The following GPR176 variants were observed in gnomAD, a reference collection of about 807,000 sequenced individuals.
GPR176 encodes G-protein coupled receptor 176.
Under a neutral mutation model 35.4 loss-of-function variants are expected in GPR176, and 26 were observed. That is an observed-to-expected ratio of 0.74 (90% CI 0.54 to 1.02). The LOEUF (loss-of-function observed/expected upper bound fraction) is 1.02, where lower values mean the gene tolerates loss of function less well. GPR176 is among the 50% of genes least tolerant of loss of function. The pLI is 0.00. For synonymous variants in GPR176, 278 were observed against 271.3 expected, an observed-to-expected ratio of 1.02 and a Z score of -0.24; for missense variants, 597 against 665.3, an observed-to-expected ratio of 0.90 and a Z score of 1.13.
intron 1 of GPR176, among the ~76,000 whole-genome samples, chr15:39,885,045 TC>T (rs1469062515): frequency 6.6e-6 from 1 of 152,202 alleles, no homozygotes; most frequent in Non-Finnish European, 1.5e-5. Context: ...TCTACTAACT[TC>T]AGTTTTTTTC....
rs149014870 is a variant in GPR176 at position 39,851,989 on chromosome 15, T to C, written c.173-44731A>G. 3.9e-4 allele frequency among the ~76,000 whole-genome samples: 60 copies of C among 152,204 alleles called. 1 individual carries two copies. In the East Asian group the frequency reaches 5.0e-3, roughly 13 times the overall value. On this transcript the variant is annotated intron_variant, in intron 1 of 2. Transcript: ENST00000561100. ...CTTTTGGTATTGTGCCCCAGGAGTA[T>C]CATAAAGACATGTAATCAGATTCAG... is the stretch of plus-strand genomic sequence containing the variant.
intron 1 of GPR176, among the ~76,000 whole-genome samples, chr15:39,904,173 C>T (rs748550647): frequency 6.6e-6 from 1 of 152,064 alleles, no homozygotes; most frequent in Non-Finnish European, 1.5e-5. Context: ...TTTACTGCAA[C>T]CTGTTTTATC....
rs142600412 is a variant in GPR176 at position 39,801,584 on chromosome 15, C to T, written c.1096G>A (p.Gly366Ser). 5.0e-6 allele frequency: 8 copies of T among 1,614,072 alleles called. 1 individual carries two copies. The African/African-American group carries it at 9.3e-5, about 19-fold the overall frequency. ...EASLEPSIRS[G>S]SQLLEMFHIG... The stretch of plus-strand genomic sequence containing the variant: ...TGGAACATCTCCAGGAGCTGGCTAC[C>T]CGAGCGTATGCTGGGTTCCAGGCTG... Residue 366 changes from glycine (G) to serine (S), a missense_variant, in exon 3 of 3, where the codon GGT (glycine) becomes AGT (serine). Gly to Ser is a moderately conservative substitution (Grantham distance 56, BLOSUM62 0). Around this residue, in one of 3 missense-constraint regions of GPR176, gnomAD observed 251 missense variants for 255.4 expected, o/e 0.98. Transcript: ENST00000561100.
At chr15:39,913,756 C>G (rs2033643123) in intron 1 of GPR176, among the ~76,000 whole-genome samples, 1 of 152,038 alleles carries the variant, frequency 6.6e-6, no homozygotes, top group African/African-American at 2.4e-5. Flanking sequence ...GCTAAAAAAC[C>G]ATCGAGTTGG....
At chr15:39,888,507 T>C (rs1189678705) in intron 1 of GPR176, among the ~76,000 whole-genome samples, 1 of 152,200 alleles carries the variant, frequency 6.6e-6, no homozygotes, top group Non-Finnish European at 1.5e-5. Flanking sequence ...TAACTCACCA[T>C]AACCTCAAAC....
At chr15:39,825,690 T>TATATA (rs1900592935) in intron 1 of GPR176, among the ~76,000 whole-genome samples, 1 of 152,116 alleles carries the variant, frequency 6.6e-6, no homozygotes, top group Non-Finnish European at 1.5e-5. Flanking sequence ...TTTATATCTG[T>TATATA]GATATTGATT....
intron 1 of GPR176, among the ~76,000 whole-genome samples, chr15:39,810,243 C>T (rs190061563): frequency 9.0e-4 from 137 of 151,904 alleles, no homozygotes; most frequent in African/African-American, 3.1e-3. Flanking sequence ...CACATGTGGC[C>T]CTGAACTTAA....
At chr15:39,887,768 A>G (rs1185052680) in intron 1 of GPR176, among the ~76,000 whole-genome samples, 2 of 152,212 alleles carry the variant, frequency 1.3e-5, no homozygotes, top group Non-Finnish European at 2.9e-5. Flanking sequence ...AAAGTTCTTT[A>G]CTGAGAATCC....
intron 1 of GPR176, among the ~76,000 whole-genome samples, chr15:39,884,700 G>A (rs1432350885): frequency 6.6e-6 from 1 of 152,148 alleles, no homozygotes; most frequent in African/African-American, 2.4e-5. Context: ...CCAGGCAGAA[G>A]GGGGAAAGGG....
At chr15:39,830,936 G>C (rs1595460060) in intron 1 of GPR176, among the ~76,000 whole-genome samples, 2 of 152,172 alleles carry the variant, frequency 1.3e-5, no homozygotes, top group African/African-American at 4.8e-5. Context: ...GTCAATGTCA[G>C]TATAAGCAAA....
At chr15:39,853,922 T>C (rs1365653280) in intron 1 of GPR176, among the ~76,000 whole-genome samples, 1 of 152,156 alleles carries the variant, frequency 6.6e-6, no homozygotes, top group Non-Finnish European at 1.5e-5. Context: ...CTTACAATTA[T>C]CATCATCATA....
chr15:39,897,078 C>T (rs1318614294), intron 1 of GPR176, among the ~76,000 whole-genome samples: 2 of 152,116 alleles, frequency 1.3e-5, no homozygotes, highest in African/African-American at 2.4e-5. Flanking sequence ...AGAGTCATTA[C>T]CCAAAGACAG....
At chr15:39,877,367 ACCCCAAATTC>A (rs2032290038) in intron 1 of GPR176, among the ~76,000 whole-genome samples, 1 of 152,088 alleles carries the variant, frequency 6.6e-6, no homozygotes, top group Non-Finnish European at 1.5e-5. Context: ...AGTCATATTC[ACCCCAAATTC>A]CCCCAAATCC....
At chr15:39,812,861 A>G (rs1271529888) in intron 1 of GPR176, among the ~76,000 whole-genome samples, 1 of 151,502 alleles carries the variant, frequency 6.6e-6, no homozygotes, top group Non-Finnish European at 1.5e-5. Flanking sequence ...CTCCTGCCTC[A>G]GCCTCCCAAG....
chr15:39,893,443 C>G (rs2032950712), intron 1 of GPR176, among the ~76,000 whole-genome samples: 1 of 152,106 alleles, frequency 6.6e-6, no homozygotes, highest in African/African-American at 2.4e-5. Context: ...TCAACAGGAT[C>G]CCAAGGCAGA....
chr15:39,881,679 C>T (rs1319581560), intron 1 of GPR176, among the ~76,000 whole-genome samples: 1 of 152,170 alleles, frequency 6.6e-6, no homozygotes, highest in Non-Finnish European at 1.5e-5. Flanking sequence ...CTCACTGTTA[C>T]TAATGTGTTT....
chr15:39,830,434 C>A (rs1162673574), intron 1 of GPR176, among the ~76,000 whole-genome samples: 1 of 152,076 alleles, frequency 6.6e-6, no homozygotes, highest in Non-Finnish European at 1.5e-5. Context: ...AGGTGGAACA[C>A]CACAAGAGGA....
intron 1 of GPR176, among the ~76,000 whole-genome samples, chr15:39,908,439 T>C (rs1032787268): frequency 1.1e-4 from 16 of 152,162 alleles, no homozygotes; most frequent in African/African-American, 3.9e-4. Flanking sequence ...AGGATATGAA[T>C]CGTACATCTG....
Position 39,799,064 on chromosome 15 carries a change from T to C in GPR176, c.*2068A>G, listed in dbSNP as rs1000336368. ...TTAAAATGTTATTCTTCAAAGAGTA[T>C]AGAAATACACCTGGCAATGACCTGT... On this transcript the variant is annotated 3_prime_UTR_variant, in exon 3 of 3. Coordinates refer to ENST00000561100, the MANE Select transcript of GPR176 (RefSeq NM_007223.3). The C allele has an allele frequency of 6.6e-6, 1 of 152,204 alleles. No homozygotes were observed. The highest frequency in any genetic ancestry group is 2.4e-5 in the African/African-American group (1 of 41,458). The allele number at this position is 152,204 out of a possible 1,614,324, so 9.4% of individuals were successfully genotyped here.
Sources: allele counts gnomAD v4.1 joint callset (sites outside exome capture counted in the v4.1 genomes callset), GRCh38; gene constraint gnomAD v4.1.1; regional missense constraint gnomAD v4.1.1; transcripts MANE v1.5; gene names NCBI Gene and HGNC (gene_info 2026-07-23, HGNC 2026-07-21).